The following NRG2 variants were observed in gnomAD, a reference collection of about 807,000 sequenced individuals.
NRG2 encodes neuregulin 2, also known as pro-neuregulin-2, membrane-bound isoform.
Under a neutral mutation model 73.9 loss-of-function variants are expected in NRG2, and 27 were observed. That is an observed-to-expected ratio of 0.37 (90% CI 0.27 to 0.50). NRG2 has a LOEUF of 0.50. NRG2 is among the 20% of genes least tolerant of loss of function. NRG2 has a pLI of 0.96. For missense variants in NRG2, 1,126 were observed against 1,210.1 expected (o/e 0.93, Z 1.03); for synonymous variants, 532 against 541.0 (o/e 0.98, Z 0.23).
intron 1 of NRG2, among the ~76,000 whole-genome samples, chr5:139,983,326 T>C (rs1346463760): frequency 2.0e-5 from 3 of 152,202 alleles, no homozygotes; most frequent in Non-Finnish European, 4.4e-5. Context: ...GAAAGGTCTC[T>C]GTTTCTGGGG....
chr5:140,023,986 C>T (rs1760455124), intron 1 of NRG2, among the ~76,000 whole-genome samples: 1 of 152,062 alleles, frequency 6.6e-6, no homozygotes, highest in African/African-American at 2.4e-5. Flanking sequence ...AACAGGAAGG[C>T]GCAGGACCTC....
rs1482184086 is a variant in NRG2 at position 139,865,424 on chromosome 5, GAAAC to G, written c.1189+121_1189+124del. On this transcript the variant is annotated intron_variant, in intron 5 of 9. Coordinates refer to ENST00000361474, the MANE Select transcript of NRG2 (RefSeq NM_004883.3). This position sits in a 1 kb window ranked among gnomAD's most constrained non-coding sequence, Gnocchi z 5.2. ...AAACCAAAATACAAAAAAGAAAAGAGAAACAAAACAAAACAGCCAAAGATCAAAA... is the reference window on the plus strand; with the variant it reads ...AAACCAAAATACAAAAAAGAAAAGAGAAAACAAAACAGCCAAAGATCAAAA... 5.1e-6 allele frequency: 4 copies of G among 778,358 alleles called. No individual in the cohort carries two copies. The highest frequency in any genetic ancestry group is 1.6e-5 in the South Asian group (1 of 63,120). The allele number at this position is 778,358 out of a possible 1,614,324, so 48.2% of individuals were successfully genotyped here.
intron 1 of NRG2, among the ~76,000 whole-genome samples, chr5:140,017,207 A>G (rs1303793659): frequency 6.6e-6 from 1 of 152,166 alleles, no homozygotes; most frequent in Non-Finnish European, 1.5e-5. Flanking sequence ...GGAGTGGGTA[A>G]GAAAGAAGGG....
chr5:139,913,659 A>G (rs1751026217), intron 1 of NRG2, among the ~76,000 whole-genome samples: 1 of 152,178 alleles, frequency 6.6e-6, no homozygotes, highest in East Asian at 1.9e-4. Context: ...TGCTTGCTCC[A>G]CACCTGCTTA....
chr5:140,043,243 G>A lies in NRG2; in HGVS notation c.-174C>T. 1.6e-6 allele frequency: 1 copy of A among 613,316 alleles called. No homozygotes were observed. The highest frequency in any genetic ancestry group is 2.7e-6 in the Non-Finnish European group (1 of 365,412). The allele number at this position is 613,316 out of a possible 1,614,324, so 38.0% of individuals were successfully genotyped here. On this transcript the variant is annotated 5_prime_UTR_variant, in exon 1 of 10. Coordinates refer to ENST00000361474, the MANE Select transcript of NRG2 (RefSeq NM_004883.3). The surrounding 1 kb of genome is among the most constrained non-coding windows in gnomAD (Gnocchi z 6.7). ...GGGCAGGCGGCAAGCGGGCCGCGAT[G>A]CGCAGCGCGGCGCAGCGCAGCGCTC...
intron 1 of NRG2, among the ~76,000 whole-genome samples, chr5:140,009,259 G>T (rs1759166500): frequency 6.6e-6 from 1 of 152,204 alleles, no homozygotes; most frequent in Admixed American, 6.5e-5. Flanking sequence ...ATCTCTCACT[G>T]TCTTGCCTCC....
rs748046281 is a variant in NRG2, at chr5:139,887,450, C to A, written c.762G>T (p.Ser254=). Residue 254 remains serine, a synonymous_variant, in exon 2 of 10, where the codon TCG becomes TCT. Transcript: ENST00000361474. This position sits in a 1 kb window ranked among gnomAD's most constrained non-coding sequence, Gnocchi z 4.5. ...TACCGGCTGCTGCCTCACACTTCAG[C>A]GATTGCTTCTCACCCACCTGTCCCG... is the stretch of plus-strand genomic sequence containing the variant. ...SQTGQVGEKQ[S]LKCEAAAGNP... 6.2e-7 allele frequency: 1 copy of A among 1,614,260 alleles called. No homozygotes were observed. The highest frequency in any genetic ancestry group is 1.1e-5 in the South Asian group (1 of 91,088).
At chr5:139,884,926 A>T (rs2127119775) in intron 2 of NRG2, among the ~76,000 whole-genome samples, 1 of 151,812 alleles carries the variant, frequency 6.6e-6, no homozygotes, top group Admixed American at 6.6e-5. Flanking sequence ...AAGAGGCACG[A>T]CCCCCTGGGC....
intron 1 of NRG2, among the ~76,000 whole-genome samples, chr5:139,924,417 G>T (rs1225444025): frequency 1.3e-5 from 2 of 152,200 alleles, no homozygotes; most frequent in Non-Finnish European, 2.9e-5. Context: ...TGCCTTCCTT[G>T]TTGGGTTCTA....
In NRG2 at chr5:139,848,041, G is replaced by T. The variant is rs1446196771; in HGVS notation, c.2429C>A (p.Pro810Gln). The T allele has an allele frequency of 2.0e-6, 3 of 1,508,034 alleles. No homozygotes were observed. In the Admixed American group the frequency reaches 6.3e-5, roughly 32 times the overall value. 93.4% of individuals were successfully genotyped at this position (1,508,034 alleles called of 1,614,324 possible). The change falls in exon 10 of 10, where the codon CCG becomes CAG. Residue 810 changes from proline (P) to glutamine (Q), a missense_variant. Physicochemically the swap from Pro to Gln is moderately conservative, Grantham distance 76. Around this residue, in one of 3 missense-constraint regions of NRG2, gnomAD observed 402 missense variants for 357.8 expected, o/e 1.12. Transcript: ENST00000361474. ...GCTGTCGGCCGCCGGGCACAGTGGC[G>T]GCGAGTCCGAGCGCAGCGCGTCGTG... ...GAHDALRSDS[P>Q]PLCPAADSRT... is the part of the protein sequence containing the mutation.
chr5:139,931,991 T>C (rs1375232924), intron 1 of NRG2, among the ~76,000 whole-genome samples: 1 of 152,174 alleles, frequency 6.6e-6, no homozygotes, highest in African/African-American at 2.4e-5. Context: ...CTAGTGGAAA[T>C]GTAGATTGGT....
At chr5:140,005,017 C>T (rs11167875) in intron 1 of NRG2, among the ~76,000 whole-genome samples, 73,305 of 151,980 alleles carry the variant, frequency 0.48, 17,949 homozygotes, top group South Asian at 0.61. Flanking sequence ...TGATTAAACA[C>T]CATTCTGTAA....
chr5:139,884,692 G>C (rs1477406951), intron 2 of NRG2, among the ~76,000 whole-genome samples: 1 of 152,184 alleles, frequency 6.6e-6, no homozygotes, highest in East Asian at 1.9e-4. Flanking sequence ...GTAGAAGCTA[G>C]ACTAGAGACT....
intron 1 of NRG2, among the ~76,000 whole-genome samples, chr5:140,009,913 T>G (rs1226581255): frequency 6.6e-6 from 1 of 152,086 alleles, no homozygotes; most frequent in Non-Finnish European, 1.5e-5. Flanking sequence ...GGCCAAACTA[T>G]GAAAACTATA....
chr5:139,880,790 TG>T, intron 3 of NRG2, 65 bp downstream of exon 3: 4 of 1,235,218 alleles, frequency 3.2e-6, no homozygotes, highest in South Asian at 2.6e-5. Flanking sequence ...CCCCAAGGGC[TG>T]GGGGGCCACT....
intron 1 of NRG2, among the ~76,000 whole-genome samples, chr5:139,934,551 A>G (rs1752706759): frequency 6.6e-6 from 1 of 152,230 alleles, no homozygotes; most frequent in South Asian, 2.1e-4. Flanking sequence ...GAAATCACGA[A>G]AAAGAAAAAA....
rs1343032534 is a variant in NRG2, at chr5:139,848,124, G to C, written c.2346C>G (p.Asp782Glu). The C allele has an allele frequency of 6.8e-7, 1 of 1,471,642 alleles. No homozygotes were observed. Among genetic ancestry groups the C allele is most frequent in the South Asian group, 1.3e-5 (1 of 77,734 alleles). 91.2% of individuals were successfully genotyped at this position (1,471,642 alleles called of 1,614,324 possible). Residue 782 changes from aspartate to glutamate, a missense_variant, in exon 10 of 10, where the codon GAC becomes GAG. By Grantham distance (45) the Asp-to-Glu change is conservative. Around this residue, in one of 3 missense-constraint regions of NRG2, gnomAD observed 402 missense variants for 357.8 expected, o/e 1.12. Coordinates refer to ENST00000361474, the MANE Select transcript of NRG2 (RefSeq NM_004883.3). ...GSASASDDDA[D>E]DADGALAAES... ...CGGCCGCCAGCGCCCCGTCCGCGTC[G>C]TCCGCGTCGTCGTCCGACGCCGAGG...
chr5:139,944,165 A>T (rs1454453111), intron 1 of NRG2, among the ~76,000 whole-genome samples: 2 of 142,322 alleles, frequency 1.4e-5, no homozygotes, highest in African/African-American at 2.7e-5. Context: ...TACGATCTTT[A>T]AAAAAAAAAT....
intron 1 of NRG2, among the ~76,000 whole-genome samples, chr5:139,988,490 G>A (rs1757343601): frequency 6.6e-6 from 1 of 151,996 alleles, no homozygotes. Context: ...GCCATGAAAA[G>A]ATCTGGAGGA....
Sources: allele counts gnomAD v4.1 joint callset (sites outside exome capture counted in the v4.1 genomes callset), GRCh38; gene constraint gnomAD v4.1.1; regional missense constraint gnomAD v4.1.1; non-coding constraint Gnocchi (gnomAD v3.1); transcripts MANE v1.5; gene names NCBI Gene and HGNC (gene_info 2026-07-23, HGNC 2026-07-21).